The following ZNF746 variants were observed in gnomAD, a reference collection of about 807,000 sequenced individuals.
The protein encoded by ZNF746 is zinc finger protein 746.
Under a neutral mutation model 41.0 loss-of-function variants are expected in ZNF746, and 13 were observed. That is an observed-to-expected ratio of 0.32 (90% confidence interval 0.21 to 0.50). The LOEUF (loss-of-function observed/expected upper bound fraction) is 0.50, where lower values mean the gene tolerates loss of function less well. Among genes scored for constraint, ZNF746 ranks in the 20% least tolerant of loss-of-function variants. The pLI is 0.98. For synonymous variants in ZNF746, 424 were observed against 396.2 expected (o/e 1.07, Z -0.83); for missense variants, 811 against 922.9 (o/e 0.88, Z 1.57).
chr7:149,477,975 G>C (rs919015037), intron 4 of ZNF746: 8 of 443,786 alleles, frequency 1.8e-5, no homozygotes, highest in Admixed American at 3.8e-5. Flanking sequence ...GGCTGAGGCG[G>C]GGGAGGGGAA....
chr7:149,495,291 G>C (rs917801950), intron 1 of ZNF746, among the ~76,000 whole-genome samples: 1 of 152,048 alleles, frequency 6.6e-6, no homozygotes, highest in Admixed American at 6.6e-5. Flanking sequence ...TAAAAATGAC[G>C]GCCTCCGACA....
intron 4 of ZNF746, among the ~76,000 whole-genome samples, chr7:149,479,963 A>T (rs1433217477): frequency 6.6e-6 from 1 of 152,146 alleles, no homozygotes; most frequent in Non-Finnish European, 1.5e-5. Flanking sequence ...CAGAGGGGAA[A>T]AAAAAAAGTT....
chr7:149,477,386 CGA>C (rs1563249736), intron 5 of ZNF746, among the ~76,000 whole-genome samples, 176 bp downstream of exon 5: 1 of 152,134 alleles, frequency 6.6e-6, no homozygotes, highest in African/African-American at 2.4e-5. Flanking sequence ...ATCAGCCACC[CGA>C]GAGAGGCTCG....
At chr7:149,495,737 G>C (rs1344772237) in intron 1 of ZNF746, among the ~76,000 whole-genome samples, 1 of 152,182 alleles carries the variant, frequency 6.6e-6, no homozygotes, top group Non-Finnish European at 1.5e-5. Context: ...TCAAAAAATA[G>C]AGACAAAAGG....
chr7:149,477,523 C>G (rs760849611), intron 5 of ZNF746, 41 bp downstream of exon 5: 1 of 1,556,886 alleles, frequency 6.4e-7, no homozygotes, highest in South Asian at 1.2e-5. Flanking sequence ...CTCCTGTGAT[C>G]CCTGCAACTT....
rs532424930 is a variant in ZNF746 at position 149,474,360 on chromosome 7, C to T, written c.*24G>A. 4 of 1,588,528 alleles carry T rather than the reference C, an allele frequency of 2.5e-6. No individual in the cohort carries two copies. Among genetic ancestry groups the T allele is most frequent in the Non-Finnish European group, 3.4e-6 (4 of 1,168,026 alleles). ...CGGGGCTTTTTACACGTGCGGCCGG[C>T]AGGGGCTATGGGGCTGGAGGCGCTC... On this transcript the variant is annotated 3_prime_UTR_variant, in exon 7 of 7. Coordinates refer to ENST00000458143, the MANE Select transcript of ZNF746 (RefSeq NM_001394198.1). This position sits in a 1 kb window ranked among gnomAD's most constrained non-coding sequence, Gnocchi z 6.3.
chr7:149,475,384 C>T lies in ZNF746; in HGVS notation c.983G>A (p.Gly328Glu). Reference protein sequence around the residue: ...TDLEAHGTLFGPGQATRFFPS... With the variant: ...TDLEAHGTLFEPGQATRFFPS... The stretch of plus-strand genomic sequence containing the variant: ...GAAGAACCGTGTGGCTTGGCCTGGT[C>T]CAAACAGGGTCCCGTGAGCCTCTAG... The change falls in exon 7 of 7, where the codon GGA (glycine) becomes GAA (glutamate). Residue 328 changes from glycine to glutamate, a missense_variant. Gly to Glu is a moderately conservative substitution (Grantham distance 98). Transcript: ENST00000458143. 1 of 1,614,180 alleles carries T rather than the reference C, an allele frequency of 6.2e-7. No individual in the cohort carries two copies. The highest frequency in any genetic ancestry group is 8.5e-7 in the Non-Finnish European group (1 of 1,180,030).
In ZNF746 at chr7:149,477,632, C is replaced by G. The variant is rs1188753807; in HGVS notation, c.689G>C (p.Gly230Ala). 2 of 1,613,966 alleles carry G rather than the reference C, an allele frequency of 1.2e-6. No homozygotes were observed. The highest frequency in any genetic ancestry group is 1.3e-5 in the African/African-American group (1 of 74,926). ...CTGGCTGAGGCCCCAGGGCTCCTCCCCAATATCTGGCTGCCCGGCTGCCCA... is the reference window on the plus strand; with the variant it reads ...CTGGCTGAGGCCCCAGGGCTCCTCCGCAATATCTGGCTGCCCGGCTGCCCA... ...EAWAAGQPDI[G>A]EEPWGLSQLD... The change falls in exon 5 of 7, where the codon GGG (glycine) becomes GCG (alanine). Residue 230 changes from glycine (G) to alanine (A), a missense_variant. Gly to Ala is a moderately conservative substitution (Grantham distance 60). Coordinates refer to ENST00000458143, the MANE Select transcript of ZNF746 (RefSeq NM_001394198.1).
intron 3 of ZNF746, among the ~76,000 whole-genome samples, chr7:149,493,740 C>T (rs1015066433): frequency 3.9e-5 from 6 of 152,222 alleles, no homozygotes; most frequent in African/African-American, 1.4e-4. Flanking sequence ...GAAAGGTCCA[C>T]ATCCCGGGCC....
At chr7:149,477,177 C>A in intron 5 of ZNF746, 130 bp from the exon 6 acceptor site, 1 of 1,128,800 alleles carries the variant, frequency 8.9e-7, no homozygotes, top group Admixed American at 2.8e-5. Context: ...GCACGAGGAC[C>A]CAACCTCTCT....
chr7:149,478,572 TCA>T (rs1014146912), intron 4 of ZNF746, among the ~76,000 whole-genome samples: 20 of 152,112 alleles, frequency 1.3e-4, no homozygotes, highest in Non-Finnish European at 1.6e-4. Context: ...CAGATCTGCC[TCA>T]GAGGGGCACC....
chr7:149,497,313 G>A lies in ZNF746; in HGVS notation c.24+200C>T. On this transcript the variant is annotated intron_variant, in intron 1 of 6. Transcript: ENST00000458143. The surrounding 1 kb of genome is among the most constrained non-coding windows in gnomAD (Gnocchi z 4.2). ...GGGGACAACCGTTCCGCCAGCGCTC[G>A]GGTTCGGCTCGGAGTGGGGGCCCGG... 1.0e-6 allele frequency: 1 copy of A among 985,072 alleles called. No homozygotes were observed. Among genetic ancestry groups the A allele is most frequent in the Non-Finnish European group, 1.2e-6 (1 of 829,722 alleles). 61.0% of individuals were successfully genotyped at this position (985,072 alleles called of 1,614,324 possible).
chr7:149,477,827 G>T, intron 4 of ZNF746, 72 bp from the exon 5 acceptor site: 1 of 1,321,952 alleles, frequency 7.6e-7, no homozygotes, highest in Non-Finnish European at 1.0e-6. Context: ...GCATCCAGCC[G>T]GAGAGATAGA....
At chr7:149,493,026 A>T in intron 3 of ZNF746, 54 bp from the exon 4 acceptor site, 1 of 1,228,462 alleles carries the variant, frequency 8.1e-7, no homozygotes, top group South Asian at 1.3e-5. Context: ...AGCTGGGGAC[A>T]GTCATCCCGG....
intron 1 of ZNF746, among the ~76,000 whole-genome samples, chr7:149,495,545 T>C (rs1439541425): frequency 6.6e-6 from 1 of 152,208 alleles, no homozygotes; most frequent in Non-Finnish European, 1.5e-5. Context: ...ATGTGGGACC[T>C]ACAGGGCACA....
chr7:149,475,526 G>A (rs750128649), intron 6 of ZNF746, 43 bp from the exon 7 acceptor site: 4 of 1,551,276 alleles, frequency 2.6e-6, no homozygotes, highest in Middle Eastern at 3.5e-4. Flanking sequence ...TCCCTTAACT[G>A]CTGAGCGAGC....
intron 4 of ZNF746, among the ~76,000 whole-genome samples, chr7:149,483,459 T>C (rs1340554364): frequency 6.6e-6 from 1 of 151,920 alleles, no homozygotes; most frequent in Non-Finnish European, 1.5e-5. Flanking sequence ...ATACAAAAAT[T>C]AGCTGGGTGT....
chr7:149,475,061 G>C lies in ZNF746; in HGVS notation c.1306C>G (p.Pro436Ala). 6.3e-7 allele frequency: 1 copy of C among 1,587,426 alleles called. No homozygotes were observed. The highest frequency in any genetic ancestry group is 8.6e-7 in the Non-Finnish European group (1 of 1,167,652). ...AILDPSQAPR[P>A]FNEPCKYPGR... ...GGGTATTTACAGGGTTCGTTGAATG[G>C]CCTTGGGGCCTGGCTGGGGTCCAAG... Residue 436 changes from proline to alanine, a missense_variant, in exon 7 of 7, where the codon CCA becomes GCA. Physicochemically the swap from Pro to Ala is conservative, Grantham distance 27. Transcript: ENST00000458143.
rs2116636527 is a variant in ZNF746 at position 149,475,441 on chromosome 7, T to A, written c.926A>T (p.Glu309Val). Residue 309 changes from glutamate to valine, a missense_variant, in exon 7 of 7, where the codon GAG becomes GTG. Around this residue, in one of 4 missense-constraint regions of ZNF746, gnomAD observed 495 missense variants for 481.6 expected, o/e 1.03. Transcript: ENST00000458143. ...IVIKTEVQEE[E>V]VVATPVHPTD... The stretch of plus-strand genomic sequence containing the variant: ...AGGATGTACGGGTGTGGCCACCACC[T>A]CCTCTTCCTGGACTTCTGTTTTTAT... The A allele has an allele frequency of 1.2e-6, 2 of 1,613,688 alleles. No homozygotes were observed. Among genetic ancestry groups the A allele is most frequent in the African/African-American group, 1.3e-5 (1 of 75,022 alleles).
Sources: allele counts gnomAD v4.1 joint callset (sites outside exome capture counted in the v4.1 genomes callset), GRCh38; gene constraint gnomAD v4.1.1; regional missense constraint gnomAD v4.1.1; non-coding constraint Gnocchi (gnomAD v3.1); transcripts MANE v1.5; gene names NCBI Gene and HGNC (gene_info 2026-07-23, HGNC 2026-07-21).